BMP7: variants seen among roughly 807,000 people sequenced by gnomAD.
BMP7 encodes bone morphogenetic protein 7, also known as osteogenic protein 1.
BMP7 carries 12 observed loss-of-function variants against 41.2 expected under a neutral mutation model. The ratio of observed to expected loss-of-function variants is 0.29; its 90% CI spans 0.19 to 0.47. The LOEUF is 0.47. Among genes scored for constraint, BMP7 ranks in the 20% least tolerant of loss-of-function variants. The probability of loss-of-function intolerance (pLI) is 0.99; values close to 1 mark genes in which losing one functional copy is unlikely to be tolerated. For synonymous variants in BMP7, 248 were observed against 250.0 expected (o/e 0.99, Z 0.07); for missense variants, 467 against 606.0 (o/e 0.77, Z 2.41).
chr20:57,248,468 G>A (rs1320798412), intron 1 of BMP7, among the ~76,000 whole-genome samples: 1 of 152,172 alleles, frequency 6.6e-6, no homozygotes, highest in Non-Finnish European at 1.5e-5. Flanking sequence ...AAACCAAGAG[G>A]TAGGCAGGCA....
chr20:57,242,681 T>G (rs975036715), intron 1 of BMP7, among the ~76,000 whole-genome samples: 1 of 152,206 alleles, frequency 6.6e-6, no homozygotes, highest in Non-Finnish European at 1.5e-5. Context: ...ATCTGAATGT[T>G]TAATTGTATT....
chr20:57,255,628 C>T (rs947808549), intron 1 of BMP7, among the ~76,000 whole-genome samples: 7 of 151,542 alleles, frequency 4.6e-5, no homozygotes, highest in African/African-American at 7.3e-5. Flanking sequence ...GGTGAAACAC[C>T]GTCTCTACTA....
At position 57,225,317 on chromosome 20, in the gene BMP7, C is replaced by T. The variant is rs535863278; in HGVS notation, c.611+2912G>A. Among the ~76,000 whole-genome samples, 6 of 152,144 alleles carry T rather than the reference C, an allele frequency of 3.9e-5. No individual in the cohort carries two copies. In the East Asian group the frequency reaches 5.8e-4, roughly 15 times the overall value. ...GATTGCAGAATTAGGGGAATTGGCTCGGTGGACCTACATGGGAAGGCAGTG... is the reference window on the plus strand; with the variant it reads ...GATTGCAGAATTAGGGGAATTGGCTTGGTGGACCTACATGGGAAGGCAGTG... On this transcript the variant is annotated intron_variant, in intron 2 of 6. Coordinates refer to ENST00000395863, the MANE Select transcript of BMP7 (RefSeq NM_001719.3).
chr20:57,187,927 C>G (rs559121928), intron 3 of BMP7, among the ~76,000 whole-genome samples: 18 of 152,102 alleles, frequency 1.2e-4, no homozygotes, highest in Non-Finnish European at 2.4e-4. Context: ...CCCTTTGTCA[C>G]CAAGTTTGGA....
rs748930599 is a variant in BMP7 at position 57,259,827 on chromosome 20, A to G, written c.418+5878T>C. Reference sequence around the variant, plus strand: ...AGCAGCAGTCCTAGTATTCCCTGGCATTGCTATTTCAGTTTGAGTTTGAGC... The same window carrying G: ...AGCAGCAGTCCTAGTATTCCCTGGCGTTGCTATTTCAGTTTGAGTTTGAGC... On this transcript the variant is annotated intron_variant, in intron 1 of 6. Coordinates refer to ENST00000395863, the MANE Select transcript of BMP7 (RefSeq NM_001719.3). This position sits in a 1 kb window ranked among gnomAD's most constrained non-coding sequence, Gnocchi z 4.7. Among the ~76,000 whole-genome samples, 1 of 152,194 alleles carries G rather than the reference A, an allele frequency of 6.6e-6. No homozygotes were observed. Among genetic ancestry groups the G allele is most frequent in the Non-Finnish European group, 1.5e-5 (1 of 68,032 alleles).
intron 1 of BMP7, among the ~76,000 whole-genome samples, chr20:57,263,174 TA>T (rs1222443652): frequency 6.6e-6 from 1 of 152,204 alleles, no homozygotes; most frequent in Non-Finnish European, 1.5e-5. Context: ...TGCGCTCTGT[TA>T]AAAGCCACTC....
chr20:57,255,693 A>G (rs892399431), intron 1 of BMP7, among the ~76,000 whole-genome samples: 1 of 146,446 alleles, frequency 6.8e-6, no homozygotes, highest in Non-Finnish European at 1.5e-5. Flanking sequence ...CCTGCTACTC[A>G]GGAGGCTGAG....
chr20:57,264,175 C>T (rs2066164368), intron 1 of BMP7, among the ~76,000 whole-genome samples: 1 of 152,208 alleles, frequency 6.6e-6, no homozygotes. Flanking sequence ...TTATTAAGTA[C>T]AGACAATGGC....
chr20:57,211,412 C>T lies in BMP7; in HGVS notation c.612-8789G>A, dbSNP rs566563828. Among the ~76,000 whole-genome samples, 7 of 151,146 alleles carry T rather than the reference C, an allele frequency of 4.6e-5. No individual in the cohort carries two copies. In the East Asian group the frequency reaches 1.2e-3, roughly 25 times the overall value. On this transcript the variant is annotated intron_variant, in intron 2 of 6. Transcript: ENST00000395863. ...AGGGCAGGAGAGGACGGGGCTGGCCCAGGCCCACCATCAAAAAAAAGGAAA... is the reference window on the plus strand; with the variant it reads ...AGGGCAGGAGAGGACGGGGCTGGCCTAGGCCCACCATCAAAAAAAAGGAAA...
At chr20:57,239,186 C>A (rs956654921) in intron 1 of BMP7, among the ~76,000 whole-genome samples, 3 of 152,160 alleles carry the variant, frequency 2.0e-5, no homozygotes, top group Non-Finnish European at 2.9e-5. Flanking sequence ...CTAGTTACTT[C>A]CTAGATACAA....
rs904334223 is a variant in BMP7, at chr20:57,266,126, G to A, written c.-4C>T. On this transcript the variant is annotated 5_prime_UTR_variant, in exon 1 of 7. Coordinates refer to ENST00000395863, the MANE Select transcript of BMP7 (RefSeq NM_001719.3). ...CTCGCAGTGAGCGCACGTGCATCGC[G>A]CCGGCTCTACGCGCTACCCGGGCTC... is the stretch of plus-strand genomic sequence containing the variant. The A allele has an allele frequency of 1.0e-5, 16 of 1,529,718 alleles. No homozygotes were observed. The highest frequency in any genetic ancestry group is 2.0e-5 in the Admixed American group (1 of 50,578). 94.8% of individuals were successfully genotyped at this position (1,529,718 alleles called of 1,614,324 possible). A position where few individuals can be genotyped will look rare whatever the true frequency, so the allele number is the denominator to read the frequency against.
intron 1 of BMP7, among the ~76,000 whole-genome samples, chr20:57,263,691 A>G (rs963817075): frequency 2.0e-5 from 3 of 152,162 alleles, no homozygotes; most frequent in Non-Finnish European, 2.9e-5. Context: ...CCACCAGAGA[A>G]AGGGCCCTGG....
At position 57,222,076 on chromosome 20, in the gene BMP7, AG is replaced by A. The variant is rs1241372228; in HGVS notation, c.611+6152del. On this transcript the variant is annotated intron_variant, in intron 2 of 6. Coordinates refer to ENST00000395863, the MANE Select transcript of BMP7 (RefSeq NM_001719.3). Reference sequence around the variant, plus strand: ...CCCACAGGTGGTCTACAAGAGGGGCAGGACTGACCACCTCGTGGGGACACCC... The same window carrying A: ...CCCACAGGTGGTCTACAAGAGGGGCAGACTGACCACCTCGTGGGGACACCC... Among the ~76,000 whole-genome samples the A allele has an allele frequency of 6.6e-5, 10 of 152,314 alleles. No individual in the cohort carries two copies. In the East Asian group the frequency reaches 1.9e-3, roughly 30 times the overall value.
intron 4 of BMP7, among the ~76,000 whole-genome samples, chr20:57,179,418 A>G (rs976949398): frequency 6.6e-6 from 1 of 152,238 alleles, no homozygotes; most frequent in African/African-American, 2.4e-5. Flanking sequence ...TCATCTGGCA[A>G]AGGCGGCTGC....
At chr20:57,236,434 G>C (rs2066048010) in intron 1 of BMP7, among the ~76,000 whole-genome samples, 1 of 152,202 alleles carries the variant, frequency 6.6e-6, no homozygotes, top group Non-Finnish European at 1.5e-5. Flanking sequence ...AAGAGGTTTA[G>C]ATAACCCTGG....
intron 4 of BMP7, chr20:57,178,026 T>C (rs6025427): frequency 0.96 from 146,583 of 152,446 alleles, 70,702 homozygotes; most frequent in East Asian, 1. Context: ...ATGACTTACA[T>C]GGAGATGAGG....
chr20:57,176,637 G>C (rs1983927637), intron 4 of BMP7, among the ~76,000 whole-genome samples: 1 of 152,080 alleles, frequency 6.6e-6, no homozygotes, highest in Non-Finnish European at 1.5e-5. Context: ...GCAAAATGAA[G>C]AGAGCTCCTA....
At chr20:57,233,506 G>A (rs2066036495) in intron 1 of BMP7, among the ~76,000 whole-genome samples, 1 of 152,198 alleles carries the variant, frequency 6.6e-6, no homozygotes, top group African/African-American at 2.4e-5. Flanking sequence ...TGTCAATAAT[G>A]GGTTAGAGGC....
chr20:57,249,472 A>G (rs548850477), intron 1 of BMP7, among the ~76,000 whole-genome samples: 1 of 152,140 alleles, frequency 6.6e-6, no homozygotes, highest in East Asian at 1.9e-4. Flanking sequence ...GGTAATTCCC[A>G]CTCTACCCAA....
Sources: allele counts gnomAD v4.1 joint callset (sites outside exome capture counted in the v4.1 genomes callset), GRCh38; gene constraint gnomAD v4.1.1; non-coding constraint Gnocchi (gnomAD v3.1); transcripts MANE v1.5; gene names NCBI Gene and HGNC (gene_info 2026-07-23, HGNC 2026-07-21).